The following CHRM3 variants were observed in gnomAD, a reference collection of about 807,000 sequenced individuals.
CHRM3 encodes the protein cholinergic receptor muscarinic 3.
CHRM3 carries 11 observed loss-of-function variants against 41.8 expected under a neutral mutation model. That is an observed-to-expected ratio of 0.26 (90% CI 0.17 to 0.44). The LOEUF (loss-of-function observed/expected upper bound fraction) is 0.44, where lower values mean the gene tolerates loss of function less well. Among genes scored for constraint, CHRM3 ranks in the 20% least tolerant of loss-of-function variants. CHRM3 has a pLI of 1.00. For missense variants in CHRM3, 571 were observed against 745.4 expected (o/e 0.77, Z 2.72); for synonymous variants, 297 against 301.4 (o/e 0.99, Z 0.15).
intron 3 of CHRM3, among the ~76,000 whole-genome samples, chr1:239,595,048 C>T (rs566795387): frequency 6.6e-6 from 1 of 152,316 alleles, no homozygotes; most frequent in South Asian, 2.1e-4. Context: ...AAGATTGTGC[C>T]ATTGCACTCC....
chr1:239,414,298 A>G (rs1332755624), intron 1 of CHRM3, among the ~76,000 whole-genome samples: 1 of 152,160 alleles, frequency 6.6e-6, no homozygotes, highest in Non-Finnish European at 1.5e-5. Context: ...AATGAAAAGA[A>G]TAATTCTACA....
chr1:239,582,114 T>C (rs1444081722), intron 3 of CHRM3, among the ~76,000 whole-genome samples: 1 of 152,194 alleles, frequency 6.6e-6, no homozygotes, highest in Admixed American at 6.5e-5. Flanking sequence ...TTATGTGCTA[T>C]GTAAAACTAT....
chr1:239,710,765 T>C (rs1200735338), intron 5 of CHRM3, among the ~76,000 whole-genome samples: 1 of 152,110 alleles, frequency 6.6e-6, no homozygotes, highest in Non-Finnish European at 1.5e-5. Flanking sequence ...AAAATAAGTA[T>C]AGGCTTTAAG....
At chr1:239,718,445 C>T (rs1337947918) in intron 5 of CHRM3, among the ~76,000 whole-genome samples, 1 of 151,994 alleles carries the variant, frequency 6.6e-6, no homozygotes, top group Non-Finnish European at 1.5e-5. Context: ...GACATTTCAT[C>T]AAGAGCTATT....
chr1:239,703,742 G>A (rs1660893025), intron 5 of CHRM3: 1 of 152,112 alleles, frequency 6.6e-6, no homozygotes, highest in East Asian at 1.9e-4. Flanking sequence ...TATCAGTAAA[G>A]TTACTTGAAC....
intron 4 of CHRM3, among the ~76,000 whole-genome samples, chr1:239,645,093 A>G (rs999752602): frequency 2.0e-5 from 3 of 152,162 alleles, no homozygotes; most frequent in Non-Finnish European, 4.4e-5. Context: ...TGATATCTGG[A>G]TGGCAGAGCC....
chr1:239,839,803 G>C (rs78190756), intron 6 of CHRM3, among the ~76,000 whole-genome samples: 46 of 151,512 alleles, frequency 3.0e-4, no homozygotes, highest in South Asian at 2.7e-3. Flanking sequence ...GGCGGGGCGG[G>C]GGGGGAGCGG....
chr1:239,519,335 A>G (rs1669473840), intron 2 of CHRM3, among the ~76,000 whole-genome samples: 1 of 152,234 alleles, frequency 6.6e-6, no homozygotes, highest in Non-Finnish European at 1.5e-5. Flanking sequence ...CTAAAATTCT[A>G]AGATTACATA....
chr1:239,799,083 C>G (rs1358030770), intron 5 of CHRM3, among the ~76,000 whole-genome samples: 1 of 152,084 alleles, frequency 6.6e-6, no homozygotes, highest in Non-Finnish European at 1.5e-5. Flanking sequence ...AAGAGAAGAC[C>G]AGATATGCTG....
At chr1:239,793,134 T>A (rs183675236) in intron 5 of CHRM3, among the ~76,000 whole-genome samples, 18 of 152,334 alleles carry the variant, frequency 1.2e-4, no homozygotes, top group Non-Finnish European at 2.1e-4. Flanking sequence ...CATCAGTAAA[T>A]CACTGCTGTC....
chr1:239,532,271 A>C (rs976094708), intron 2 of CHRM3, among the ~76,000 whole-genome samples: 1 of 146,194 alleles, frequency 6.8e-6, no homozygotes, highest in African/African-American at 2.5e-5. Context: ...TCGGCCTCCC[A>C]AAGTGCTGGG....
intron 3 of CHRM3, among the ~76,000 whole-genome samples, chr1:239,553,958 G>T (rs1022711289): frequency 6.6e-6 from 1 of 152,054 alleles, no homozygotes; most frequent in Non-Finnish European, 1.5e-5. Context: ...GCATGATCTC[G>T]GTTCAGTACA....
At chr1:239,468,204 C>T (rs1665870036) in intron 1 of CHRM3, among the ~76,000 whole-genome samples, 2 of 152,126 alleles carry the variant, frequency 1.3e-5, no homozygotes, top group Admixed American at 1.3e-4. Flanking sequence ...AATAGACTCT[C>T]ACTGGCACTT....
At chr1:239,771,968 G>A (rs867794487) in intron 5 of CHRM3, among the ~76,000 whole-genome samples, 26 of 152,208 alleles carry the variant, frequency 1.7e-4, no homozygotes, top group South Asian at 2.1e-4. Context: ...TAAAAAGATA[G>A]ATACAGAGAC....
chr1:239,437,718 T>A (rs1297399769), intron 1 of CHRM3, among the ~76,000 whole-genome samples: 6 of 151,754 alleles, frequency 4.0e-5, no homozygotes, highest in African/African-American at 1.5e-4. Context: ...GTGCACACCA[T>A]TGAAGTGGAG....
At chr1:239,604,678 A>G (rs2148709490) in intron 3 of CHRM3, among the ~76,000 whole-genome samples, 1 of 152,336 alleles carries the variant, frequency 6.6e-6, no homozygotes, top group East Asian at 1.9e-4. Flanking sequence ...CAAGAGAAAT[A>G]GATCTCAACA....
intron 2 of CHRM3, among the ~76,000 whole-genome samples, chr1:239,533,879 G>A (rs900121833): frequency 1.3e-5 from 2 of 152,118 alleles, no homozygotes; most frequent in African/African-American, 4.8e-5. Flanking sequence ...TGGGGATTAT[G>A]AGAGCTACAA....
chr1:239,598,283 G>A (rs1665052539), intron 3 of CHRM3, among the ~76,000 whole-genome samples: 1 of 151,972 alleles, frequency 6.6e-6, no homozygotes, highest in African/African-American at 2.4e-5. Context: ...CTGGATCTTT[G>A]TTGATTCACA....
chr1:239,754,176 G>A (rs902019605), intron 5 of CHRM3, among the ~76,000 whole-genome samples: 1 of 152,162 alleles, frequency 6.6e-6, no homozygotes, highest in Non-Finnish European at 1.5e-5. Flanking sequence ...ATATGCAAAC[G>A]TGTTTCAATT....
Sources: gnomAD v4.1 joint callset for allele counts (sites outside exome capture counted in the v4.1 genomes callset) on GRCh38, gnomAD v4.1.1 for gene constraint, MANE v1.5 for transcripts, NCBI Gene and HGNC (gene_info 2026-07-23, HGNC 2026-07-21) for gene names.